Variants in MTBP observed in about 807,000 individuals in gnomAD.
MTBP encodes mdm2-binding protein.
Under a neutral mutation model 117.0 loss-of-function variants are expected in MTBP, and 101 were observed. That is an observed-to-expected ratio of 0.86 (90% CI 0.73 to 1.02). The LOEUF is 1.02. Among genes scored for constraint, MTBP ranks in the 50% least tolerant of loss-of-function variants. The probability of loss-of-function intolerance (pLI) is 0.00; values close to 1 mark genes in which losing one functional copy is unlikely to be tolerated. For missense variants in MTBP, 970 were observed against 1,030.9 expected, an observed-to-expected ratio of 0.94 and a Z score of 0.81; for synonymous variants, 350 against 351.5, an observed-to-expected ratio of 1.00 and a Z score of 0.05.
intron 11 of MTBP, among the ~76,000 whole-genome samples, chr8:120,480,974 T>C (rs1038444911): frequency 1.3e-5 from 2 of 152,202 alleles, no homozygotes; most frequent in Non-Finnish European, 2.9e-5. Flanking sequence ...TGAAAAATTC[T>C]CCCAATTTTA....
At chr8:120,450,933 G>A (rs1813324999) in intron 2 of MTBP, 70 bp from the exon 3 acceptor site, 4 of 1,013,676 alleles carry the variant, frequency 3.9e-6, no homozygotes, top group Admixed American at 2.2e-5. Flanking sequence ...CTGTAAGTAC[G>A]GTATATATGC....
intron 11 of MTBP, among the ~76,000 whole-genome samples, chr8:120,486,937 G>A (rs1406116030): frequency 1.3e-5 from 2 of 152,122 alleles, no homozygotes; most frequent in African/African-American, 2.4e-5. Context: ...TTCACCGGTT[G>A]TGCTTGTATT....
At chr8:120,515,706 C>T (rs1426477805) in intron 17 of MTBP, among the ~76,000 whole-genome samples, 1 of 151,952 alleles carries the variant, frequency 6.6e-6, no homozygotes, top group Non-Finnish European at 1.5e-5. Flanking sequence ...AAGAGAAACA[C>T]AAGTGAAAGA....
At chr8:120,486,764 C>T (rs2130577135) in intron 11 of MTBP, among the ~76,000 whole-genome samples, 1 of 152,278 alleles carries the variant, frequency 6.6e-6, no homozygotes, top group East Asian at 1.9e-4. Context: ...GGCTGAAGTG[C>T]TTCGGACTCT....
At chr8:120,481,222 CATT>C (rs1345548388) in intron 11 of MTBP, among the ~76,000 whole-genome samples, 2 of 152,160 alleles carry the variant, frequency 1.3e-5, no homozygotes, top group African/African-American at 2.4e-5. Context: ...ACATCTCACA[CATT>C]GTTGCTGGGG....
intron 14 of MTBP, among the ~76,000 whole-genome samples, chr8:120,502,035 T>C (rs1814596715): frequency 6.6e-6 from 1 of 152,222 alleles, no homozygotes; most frequent in African/African-American, 2.4e-5. Flanking sequence ...TATCTATTAT[T>C]ATTGTAGTTT....
intron 7 of MTBP, among the ~76,000 whole-genome samples, chr8:120,457,893 C>T (rs922752280): frequency 1.3e-5 from 2 of 149,238 alleles, no homozygotes; most frequent in Non-Finnish European, 3.0e-5. Context: ...TTTCAGTGAG[C>T]TGAGATCGCG....
Position 120,445,569 on chromosome 8 carries a change from G to T in MTBP, c.99G>T (p.Glu33Asp). 6.2e-7 allele frequency: 1 copy of T among 1,610,288 alleles called. No individual in the cohort carries two copies. Among genetic ancestry groups the T allele is most frequent in the Non-Finnish European group, 8.5e-7 (1 of 1,178,644 alleles). The change falls in exon 1 of 22, where the codon GAG becomes GAT. Residue 33 changes from glutamate to aspartate, a missense_variant. Glu to Asp is a conservative substitution (Grantham distance 45). Coordinates refer to ENST00000305949, the MANE Select transcript of MTBP (RefSeq NM_022045.5). The part of the protein sequence containing the change: ...AEHGPEVSSG[E>D]GTENQPDFTA... ...ATGGGCCAGAGGTGTCGTCGGGTGA[G>T]GGTACTGAGAATCAGCCGGGTAAGC...
In MTBP at chr8:120,456,550, TAGAAAC is replaced by T; in HGVS notation, c.630-2_633del. On this transcript the variant is annotated splice_acceptor_variant and coding_sequence_variant, in exon 7 of 22. Transcript: ENST00000305949. LOFTEE classifies it high-confidence loss of function. ...TTTAATTGTTGTAATCTTTTTTTTA[TAGAAAC>T]TGTCAGAAAATTGCAGAATACCTTT... is the stretch of plus-strand genomic sequence containing the variant. The T allele has an allele frequency of 7.0e-7, 1 of 1,433,330 alleles. No homozygotes were observed. The highest frequency in any genetic ancestry group is 9.7e-7 in the Non-Finnish European group (1 of 1,029,600). The allele number at this position is 1,433,330 out of a possible 1,614,324, so 88.8% of individuals were successfully genotyped here.
intron 11 of MTBP, chr8:120,474,046 CG>C (rs1813881619): frequency 6.6e-6 from 1 of 151,952 alleles, no homozygotes; most frequent in East Asian, 1.9e-4. Context: ...TTAACTTAGG[CG>C]TGGGGGTTTT....
chr8:120,451,193 AGATACATTTT>A lies in MTBP; in HGVS notation c.303_312del (p.His101GlnfsTer63). On this transcript the variant is annotated frameshift_variant, in exon 4 of 22. Coordinates refer to ENST00000305949, the MANE Select transcript of MTBP (RefSeq NM_022045.5). LOFTEE classifies it high-confidence loss of function. ...TAGTTTTGTAGTTCTGATTGGCAAG[AGATACATTTT>A]GATACAGAAAAAGATAAAATTGAAG... The A allele has an allele frequency of 6.2e-7, 1 of 1,607,458 alleles. No homozygotes were observed. The highest frequency in any genetic ancestry group is 8.5e-7 in the Non-Finnish European group (1 of 1,175,450).
intron 11 of MTBP, among the ~76,000 whole-genome samples, chr8:120,485,686 T>C (rs1337304954): frequency 6.6e-6 from 1 of 152,254 alleles, no homozygotes; most frequent in Non-Finnish European, 1.5e-5. Context: ...TTCCTGTTTC[T>C]TTGTATGTCT....
chr8:120,445,448 G>C lies in MTBP; in HGVS notation c.-23G>C. The C allele has an allele frequency of 1.2e-6, 2 of 1,601,712 alleles. No individual in the cohort carries two copies. The highest frequency in any genetic ancestry group is 1.3e-5 in the African/African-American group (1 of 74,710). ...TTGGATGTGGAAGCCGAGACCTAAA[G>C]TTGGGGGGTGATCTCTGAGGAGATG... On this transcript the variant is annotated 5_prime_UTR_variant, in exon 1 of 22. Transcript: ENST00000305949.
At chr8:120,470,550 G>C (rs1026521487) in intron 10 of MTBP, among the ~76,000 whole-genome samples, 1 of 152,144 alleles carries the variant, frequency 6.6e-6, no homozygotes, top group Non-Finnish European at 1.5e-5. Context: ...GTATTTTTCA[G>C]AGATGTATAC....
At chr8:120,490,933 A>G (rs1033972670) in intron 13 of MTBP, among the ~76,000 whole-genome samples, 1 of 152,138 alleles carries the variant, frequency 6.6e-6, no homozygotes, top group Admixed American at 6.5e-5. Flanking sequence ...GGGTGCTACA[A>G]ATAGGAAAAA....
At position 120,506,559 on chromosome 8, in the gene MTBP, A is replaced by T. The variant is rs941987116; in HGVS notation, c.1728-147A>T. ...TATTTTACTTTATTGTCTGTCCTAA[A>T]TGTTTAATTCTCCCATGTTGCTGGT... On this transcript the variant is annotated intron_variant, in intron 15 of 21. Coordinates refer to ENST00000305949, the MANE Select transcript of MTBP (RefSeq NM_022045.5). 1.7e-5 allele frequency: 9 copies of T among 524,636 alleles called. No homozygotes were observed. In the African/African-American group the frequency reaches 1.8e-4, roughly 10 times the overall value. The allele number at this position is 524,636 out of a possible 1,614,324, so 32.5% of individuals were successfully genotyped here.
chr8:120,461,290 A>T, intron 9 of MTBP, 35 bp downstream of exon 9: 1 of 1,406,182 alleles, frequency 7.1e-7, no homozygotes, highest in Middle Eastern at 1.8e-4. Flanking sequence ...TTTAGATTAC[A>T]TTTTCTGTGT....
rs541980269 is a variant in MTBP at position 120,499,342 on chromosome 8, C to A, written c.1609+1788C>A. 2.6e-5 allele frequency among the ~76,000 whole-genome samples: 4 copies of A among 152,194 alleles called. No homozygotes were observed. The South Asian group carries it at 8.3e-4, about 32-fold the overall frequency. On this transcript the variant is annotated intron_variant, in intron 14 of 21. Coordinates refer to ENST00000305949, the MANE Select transcript of MTBP (RefSeq NM_022045.5). ...ATGTAACTTTCTCAAAGAGGCTTTC[C>A]CAGACCTTCCCCAGTTTCAGTTGTT...
chr8:120,453,256 G>A (rs12549257), intron 4 of MTBP, among the ~76,000 whole-genome samples: 81,213 of 151,934 alleles, frequency 0.53, 24,762 homozygotes, highest in Non-Finnish European at 0.67. Flanking sequence ...TTTGAGACCA[G>A]CTTGGGCAAC....
Sources: allele counts gnomAD v4.1 joint callset (sites outside exome capture counted in the v4.1 genomes callset), GRCh38; gene constraint gnomAD v4.1.1; transcripts MANE v1.5; gene names NCBI Gene and HGNC (gene_info 2026-07-23, HGNC 2026-07-21).